SLC5A4: variants seen among roughly 807,000 people sequenced by gnomAD.
The protein encoded by SLC5A4 is solute carrier family 5 member 4.
In SLC5A4, 55 loss-of-function variants were observed where a neutral mutation model predicts 70.3. The ratio of observed to expected loss-of-function variants is 0.78; its 90% CI spans 0.63 to 0.98. SLC5A4 has a LOEUF of 0.98. Ranked by LOEUF, SLC5A4 falls within the 50% of genes least tolerant of loss-of-function variation. The pLI is 0.00. For missense variants in SLC5A4, 735 were observed against 839.2 expected (o/e 0.88, Z 1.53); for synonymous variants, 268 against 305.7 (o/e 0.88, Z 1.29).
chr22:32,272,382 G>T, the SLC5A4 span: 37 of 900,692 alleles, frequency 4.1e-5, no homozygotes, highest in Non-Finnish European at 6.4e-5. Context: ...TGTGAAGCCT[G>T]CGGGCCAGCG....
chr22:32,274,806 G>A, the SLC5A4 span, among the ~76,000 whole-genome samples: 12 of 152,216 alleles, frequency 7.9e-5, no homozygotes, highest in Non-Finnish European at 1.8e-4. Context: ...GTTAATACAT[G>A]ATTTTATACC....
chr22:32,246,149 G>A (rs1926816054), intron 5 of SLC5A4, among the ~76,000 whole-genome samples: 2 of 152,240 alleles, frequency 1.3e-5, no homozygotes, highest in African/African-American at 4.8e-5. Flanking sequence ...TGTTTCATGT[G>A]CAGAATTCTT....
chr22:32,270,023 C>A, the SLC5A4 span: 1 of 492,368 alleles, frequency 2.0e-6, no homozygotes. Flanking sequence ...GAGCCCCCGG[C>A]CAGTGCTATC....
the SLC5A4 span, among the ~76,000 whole-genome samples, chr22:32,317,964 G>A: frequency 2.0e-5 from 3 of 152,236 alleles, no homozygotes; most frequent in Admixed American, 2.0e-4. Context: ...ATTTGCCCTT[G>A]TCAAGGTCAC....
At chr22:32,294,709 A>AT in the SLC5A4 span, among the ~76,000 whole-genome samples, 1 of 146,404 alleles carries the variant, frequency 6.8e-6, no homozygotes, top group African/African-American at 2.5e-5. Context: ...ACATGTGCAC[A>AT]TTGTGCAGGT....
chr22:32,246,055 A>G (rs1395779522), intron 5 of SLC5A4, among the ~76,000 whole-genome samples: 2 of 152,216 alleles, frequency 1.3e-5, no homozygotes, highest in African/African-American at 4.8e-5. Flanking sequence ...CCGGGTGTGC[A>G]CGGCACATTT....
intron 5 of SLC5A4, among the ~76,000 whole-genome samples, chr22:32,242,730 A>G (rs533173250): frequency 6.6e-6 from 1 of 152,144 alleles, no homozygotes; most frequent in Non-Finnish European, 1.5e-5. Context: ...TATCAAAATA[A>G]CTGCATATAA....
intron 10 of SLC5A4, among the ~76,000 whole-genome samples, chr22:32,229,900 T>C (rs1925648932): frequency 6.6e-6 from 1 of 152,196 alleles, no homozygotes; most frequent in Admixed American, 6.5e-5. Flanking sequence ...TACTGGAACC[T>C]AGTTTTAGAA....
At chr22:32,308,730 C>T in the SLC5A4 span, among the ~76,000 whole-genome samples, 2 of 151,988 alleles carry the variant, frequency 1.3e-5, no homozygotes, top group Admixed American at 1.3e-4. Context: ...GCATTGGAGA[C>T]AGCAAGAGGG....
the SLC5A4 span, among the ~76,000 whole-genome samples, chr22:32,301,126 C>T: frequency 2.0e-5 from 3 of 152,120 alleles, no homozygotes; most frequent in East Asian, 5.8e-4. Flanking sequence ...CTGCGCCCGG[C>T]TAATTTTTGT....
chr22:32,324,799 C>T, the SLC5A4 span, among the ~76,000 whole-genome samples: 5 of 152,242 alleles, frequency 3.3e-5, no homozygotes, highest in South Asian at 8.3e-4. Context: ...ATCCTCACCG[C>T]TGCCCAGCAG....
chr22:32,273,511 A>C, the SLC5A4 span: 1 of 158,496 alleles, frequency 6.3e-6, no homozygotes, highest in African/African-American at 2.4e-5. Context: ...GTTTGGGGTA[A>C]GTGTTCCACC....
At chr22:32,344,624 G>C in the SLC5A4 span, among the ~76,000 whole-genome samples, 1 of 152,066 alleles carries the variant, frequency 6.6e-6, no homozygotes, top group Non-Finnish European at 1.5e-5. Context: ...GCGATTGGCA[G>C]ATTTTAATAT....
the SLC5A4 span, among the ~76,000 whole-genome samples, chr22:32,337,724 C>T: frequency 6.6e-6 from 1 of 152,154 alleles, no homozygotes; most frequent in Non-Finnish European, 1.5e-5. Flanking sequence ...GTAGCACGTG[C>T]TGTCAATTTC....
chr22:32,309,294 C>T, the SLC5A4 span, among the ~76,000 whole-genome samples: 1 of 152,232 alleles, frequency 6.6e-6, no homozygotes, highest in Non-Finnish European at 1.5e-5. Flanking sequence ...CAGTGAGAAA[C>T]AGTCCTTACA....
the SLC5A4 span, among the ~76,000 whole-genome samples, chr22:32,335,008 GGGAGAGAGCGGGGCCAGCTCGCAT>G: frequency 1.3e-5 from 2 of 152,224 alleles, no homozygotes; most frequent in Admixed American, 1.3e-4. Flanking sequence ...GTGCTGGGCA[GGGAGAGAGCGGGGCCAGCTCGCAT>G]GGAGGCTGAA....
chr22:32,239,537 TATATATATATATATATATA>T, intron 5 of SLC5A4, among the ~76,000 whole-genome samples: 1 of 16,332 alleles, frequency 6.1e-5, no homozygotes, highest in African/African-American at 2.1e-4. Context: ...TATATATATA[TATATATATATATATATATA>T]TATATATATA....
At chr22:32,313,608 A>G in the SLC5A4 span, among the ~76,000 whole-genome samples, 1 of 152,244 alleles carries the variant, frequency 6.6e-6, no homozygotes. Context: ...TGAATGGCAG[A>G]GTCAAGTTGC....
At chr22:32,315,646 T>C in the SLC5A4 span, among the ~76,000 whole-genome samples, 1 of 149,902 alleles carries the variant, frequency 6.7e-6, no homozygotes, top group Non-Finnish European at 1.5e-5. Context: ...ACACAGAAAA[T>C]AAAACAAAGA....
Sources: gnomAD v4.1 joint callset for allele counts (sites outside exome capture counted in the v4.1 genomes callset) on GRCh38, gnomAD v4.1.1 for gene constraint, MANE v1.5 for transcripts, NCBI Gene and HGNC (gene_info 2026-07-23, HGNC 2026-07-21) for gene names.